The following RDH10 variants were observed in gnomAD, a reference collection of about 807,000 sequenced individuals.
RDH10 encodes retinol dehydrogenase 10 (all-trans).
RDH10 carries 12 observed loss-of-function variants against 30.2 expected under a neutral mutation model. The ratio of observed to expected loss-of-function variants is 0.40; its 90% CI spans 0.25 to 0.64. RDH10 has a LOEUF of 0.64. Among genes scored for constraint, RDH10 ranks in the 30% least tolerant of loss-of-function variants. The pLI is 0.43. For missense variants in RDH10, 268 were observed against 445.2 expected (o/e 0.60, Z 3.58); for synonymous variants, 189 against 172.2 (o/e 1.10, Z -0.76).
At position 73,295,165 on chromosome 8, in the gene RDH10, G is replaced by A. The variant is rs1814236363; in HGVS notation, c.-125G>A. ...AACCCGGCGGGCACCTCGGGGGCGG[G>A]CGCGGGGCGCAGCCTTCTCGTCCCG... On this transcript the variant is annotated 5_prime_UTR_variant, in exon 1 of 6. Transcript: ENST00000240285. The A allele has an allele frequency of 2.1e-6, 2 of 947,270 alleles. No individual in the cohort carries two copies. Among genetic ancestry groups the A allele is most frequent in the South Asian group, 2.1e-5 (1 of 47,998 alleles). The allele number at this position is 947,270 out of a possible 1,614,324, so 58.7% of individuals were successfully genotyped here.
At chr8:73,300,919 CTTTTCTTTCCATTAA>C (rs1814361170) in intron 2 of RDH10, among the ~76,000 whole-genome samples, 1 of 151,944 alleles carries the variant, frequency 6.6e-6, no homozygotes, top group African/African-American at 2.4e-5. Flanking sequence ...TAAGGTTTTT[CTTTTCTTTCCATTAA>C]TCTCTCACAG....
intron 2 of RDH10, among the ~76,000 whole-genome samples, chr8:73,302,097 G>A (rs1814389775): frequency 1.3e-5 from 2 of 152,142 alleles, no homozygotes; most frequent in Non-Finnish European, 1.5e-5. Context: ...TACCATTTCT[G>A]TACCCTTTGG....
chr8:73,319,682 A>G (rs1814732676), intron 3 of RDH10, among the ~76,000 whole-genome samples: 1 of 152,230 alleles, frequency 6.6e-6, no homozygotes, highest in African/African-American at 2.4e-5. Flanking sequence ...CAGGAGGCAC[A>G]GGGCCAAGAA....
In RDH10 at chr8:73,320,998, G is replaced by T; in HGVS notation, c.691G>T (p.Ala231Ser). 6.2e-7 allele frequency: 1 copy of T among 1,614,062 alleles called. No homozygotes were observed. The highest frequency in any genetic ancestry group is 1.7e-5 in the Admixed American group (1 of 60,024). The change falls in exon 4 of 6, where the codon GCT (alanine) becomes TCT (serine). Residue 231 changes from alanine to serine, a missense_variant. Physicochemically the swap from Ala to Ser is moderately conservative, Grantham distance 99 (BLOSUM62 1). This residue lies in a region of RDH10 where 136 missense variants were observed against 288.8 expected (regional missense o/e 0.47). Transcript: ENST00000240285. ...HESLSHELKA[A>S]EKDGIKTTLV... ...ATCCCTGAGCCATGAACTAAAGGCT[G>T]CTGAAAAGGATGGAATTAAAACAAC...
rs945534620 is a variant in RDH10, at chr8:73,294,892, C to T, written c.-398C>T. On this transcript the variant is annotated 5_prime_UTR_variant, in exon 1 of 6. Coordinates refer to ENST00000240285, the MANE Select transcript of RDH10 (RefSeq NM_172037.5). ...CCCCTCCCCCGGGGTGAGAGGGAGC[C>T]GGCGCGCCGGTTCCGGGGACGCTCG... The T allele has an allele frequency of 1.0e-5, 4 of 393,624 alleles. No homozygotes were observed. The highest frequency in any genetic ancestry group is 2.1e-5 in the African/African-American group (1 of 48,330). The allele number at this position is 393,624 out of a possible 1,614,324, so 24.4% of individuals were successfully genotyped here.
At chr8:73,298,747 C>T (rs112255149) in intron 2 of RDH10, among the ~76,000 whole-genome samples, 4 of 152,174 alleles carry the variant, frequency 2.6e-5, no homozygotes, top group Admixed American at 6.5e-5. Flanking sequence ...AGGCTGGTTG[C>T]GAACTCCTGA....
At position 73,323,272 on chromosome 8, in the gene RDH10, CA is replaced by C. The variant is rs1212196837; in HGVS notation, c.*237del. The C allele has an allele frequency of 2.6e-6, 1 of 386,220 alleles. No homozygotes were observed. The highest frequency in any genetic ancestry group is 3.6e-5 in the Admixed American group (1 of 27,534). The allele number at this position is 386,220 out of a possible 1,614,324, so 23.9% of individuals were successfully genotyped here. A position where few individuals can be genotyped will look rare whatever the true frequency, so the allele number is the denominator to read the frequency against. On this transcript the variant is annotated 3_prime_UTR_variant, in exon 6 of 6. Coordinates refer to ENST00000240285, the MANE Select transcript of RDH10 (RefSeq NM_172037.5). ...GTCCTTTTAGGCAGAACCCAGAAAC[CA>C]GTCAAATCTGTAGAGAAGCAGTGTG...
In RDH10 at chr8:73,323,584, T is replaced by A. The variant is rs766279920; in HGVS notation, c.*548T>A. On this transcript the variant is annotated 3_prime_UTR_variant, in exon 6 of 6. Coordinates refer to ENST00000240285, the MANE Select transcript of RDH10 (RefSeq NM_172037.5). Reference sequence around the variant, plus strand: ...AATCTCCATCAACTGAAGTAAATGATGTCTGAGTGTTACAGTAAAGGTGAC... The same window carrying A: ...AATCTCCATCAACTGAAGTAAATGAAGTCTGAGTGTTACAGTAAAGGTGAC... 1 of 153,412 alleles carries A rather than the reference T, an allele frequency of 6.5e-6. No homozygotes were observed. The highest frequency in any genetic ancestry group is 1.5e-5 in the Non-Finnish European group (1 of 68,848). 9.5% of individuals were successfully genotyped at this position (153,412 alleles called of 1,614,324 possible).
intron 2 of RDH10, among the ~76,000 whole-genome samples, chr8:73,302,075 C>A (rs10110749): frequency 2.0e-5 from 3 of 151,992 alleles, no homozygotes; most frequent in South Asian, 2.1e-4. Flanking sequence ...CTTTCCTTCC[C>A]TCTTAACCAT....
At chr8:73,298,965 C>T (rs1814328891) in intron 2 of RDH10, among the ~76,000 whole-genome samples, 2 of 152,146 alleles carry the variant, frequency 1.3e-5, no homozygotes, top group Non-Finnish European at 2.9e-5. Flanking sequence ...CAGGCATGCA[C>T]CACCACGCCC....
chr8:73,316,230 G>A (rs1031175638), intron 2 of RDH10, among the ~76,000 whole-genome samples: 16 of 152,114 alleles, frequency 1.1e-4, no homozygotes, highest in African/African-American at 3.9e-4. Context: ...GTTTCCTAGG[G>A]TGGTCTTGAA....
intron 2 of RDH10, chr8:73,311,901 T>C (rs1271412436): frequency 6.6e-6 from 1 of 152,260 alleles, no homozygotes; most frequent in Non-Finnish European, 1.5e-5. Flanking sequence ...CATGTTAGAA[T>C]TTCTGTTGTC....
At chr8:73,315,685 G>A (rs1477625824) in intron 2 of RDH10, 3 of 423,592 alleles carry the variant, frequency 7.1e-6, no homozygotes, top group Non-Finnish European at 1.4e-5. Context: ...TCTAGTCAGA[G>A]CCAGCCGCTG....
At chr8:73,305,581 GTTTTTC>G (rs760955603) in intron 2 of RDH10, among the ~76,000 whole-genome samples, 4 of 152,172 alleles carry the variant, frequency 2.6e-5, no homozygotes, top group Non-Finnish European at 5.9e-5. Flanking sequence ...TTGCTTGCTT[GTTTTTC>G]TATGCTCAGT....
intron 2 of RDH10, among the ~76,000 whole-genome samples, chr8:73,318,713 A>G (rs139149023): frequency 3.3e-5 from 5 of 152,360 alleles, no homozygotes; most frequent in Non-Finnish European, 7.3e-5. Flanking sequence ...GGTCCCTCCT[A>G]AACCATGAGA....
At chr8:73,297,533 G>A (rs565179664) in intron 2 of RDH10, 104 bp downstream of exon 2, 33 of 785,368 alleles carry the variant, frequency 4.2e-5, no homozygotes, top group Non-Finnish European at 5.6e-5. Context: ...GTACTCTTTC[G>A]CCACAAGGTC....
intron 2 of RDH10, among the ~76,000 whole-genome samples, chr8:73,299,208 C>T (rs1814334439): frequency 6.6e-6 from 1 of 152,110 alleles, no homozygotes; most frequent in Non-Finnish European, 1.5e-5. Flanking sequence ...AGGAAATCAC[C>T]AAATACAGTT....
rs146350435 is a variant in RDH10 at position 73,321,907 on chromosome 8, G to A, written c.771-772G>A. 9.4e-5 allele frequency: 43 copies of A among 456,256 alleles called. No individual in the cohort carries two copies. The East Asian group carries it at 2.8e-3, about 30-fold the overall frequency. The allele number at this position is 456,256 out of a possible 1,614,324, so 28.3% of individuals were successfully genotyped here. A position where few individuals can be genotyped will look rare whatever the true frequency, so the allele number is the denominator to read the frequency against. The stretch of plus-strand genomic sequence containing the variant: ...GGCTTGGAGTCCCAAGTCTGACCTG[G>A]AAAATGGACTCTAGCTCTGCCTCTT... On this transcript the variant is annotated intron_variant, in intron 4 of 5. Transcript: ENST00000240285.
At chr8:73,299,292 G>A in intron 2 of RDH10, among the ~76,000 whole-genome samples, 1 of 152,216 alleles carries the variant, frequency 6.6e-6, no homozygotes, top group East Asian at 1.9e-4. Context: ...AGTCCTTGCT[G>A]TGGCTGGGTC....
Sources: gnomAD v4.1 joint callset for allele counts (sites outside exome capture counted in the v4.1 genomes callset) on GRCh38, gnomAD v4.1.1 for gene constraint, gnomAD v4.1.1 regional missense constraint, MANE v1.5 for transcripts, NCBI Gene and HGNC (gene_info 2026-07-23, HGNC 2026-07-21) for gene names.